BMX: variants seen among roughly 807,000 people sequenced by gnomAD.
BMX encodes cytoplasmic tyrosine-protein kinase BMX.
BMX carries 31 observed loss-of-function variants against 59.2 expected under a neutral mutation model. The observed-to-expected ratio is 0.52, with a 90% CI of 0.39 to 0.71. The LOEUF is 0.71. BMX is among the 30% of genes least tolerant of loss of function. The pLI is 0.00. For missense variants in BMX, 474 were observed against 491.7 expected, an observed-to-expected ratio of 0.96 and a Z score of 0.34; for synonymous variants, 185 against 181.0, an observed-to-expected ratio of 1.02 and a Z score of -0.18.
At chrX:15,525,250 A>G in intron 7 of BMX, 38 bp from the exon 8 acceptor site, 2 of 1,142,548 alleles carry the variant, frequency 1.8e-6, no homozygotes, top group Non-Finnish European at 2.4e-6. Flanking sequence ...ATAAGTAGAC[A>G]TATGTTTATA....
intron 9 of BMX, among the ~76,000 whole-genome samples, chrX:15,529,198 G>A (rs1484849047): frequency 9.0e-6 from 1 of 111,664 alleles, no homozygotes; most frequent in Non-Finnish European, 1.9e-5. Context: ...TTATTGAGCT[G>A]TCCACCAGCT....
intron 1 of BMX, among the ~76,000 whole-genome samples, chrX:15,506,137 C>T (rs1923733411): frequency 9.0e-6 from 1 of 110,730 alleles, no homozygotes; most frequent in South Asian, 3.9e-4. Flanking sequence ...AGCGATTCTC[C>T]CTCCTCAGCC....
At chrX:15,525,010 T>G (rs1390496478) in intron 7 of BMX, among the ~76,000 whole-genome samples, 1 of 112,096 alleles carries the variant, frequency 8.9e-6, no homozygotes, top group African/African-American at 3.2e-5. Context: ...GTCAAGATGA[T>G]TTATTAATCT....
At chrX:15,544,243 GC>G (rs1925840231) in intron 16 of BMX, among the ~76,000 whole-genome samples, 1 of 110,861 alleles carries the variant, frequency 9.0e-6, no homozygotes, top group Non-Finnish European at 1.9e-5. Context: ...GTTAGGGGAT[GC>G]TTTTTGACCC....
At chrX:15,512,242 T>A (rs1363475489) in intron 4 of BMX, among the ~76,000 whole-genome samples, 1 of 112,076 alleles carries the variant, frequency 8.9e-6, no homozygotes, top group Non-Finnish European at 1.9e-5. Flanking sequence ...CACTATAGTA[T>A]TTCCCTCTGT....
chrX:15,518,019 T>C (rs758419171), intron 6 of BMX, 26 bp downstream of exon 6: 1 of 1,157,459 alleles, frequency 8.6e-7, no homozygotes, highest in African/African-American at 1.8e-5. Context: ...AAAAATGTTT[T>C]TCATGGTCAG....
At chrX:15,527,008 A>T (rs1411914130) in intron 9 of BMX, among the ~76,000 whole-genome samples, 1 of 108,688 alleles carries the variant, frequency 9.2e-6, no homozygotes, top group African/African-American at 3.4e-5. Flanking sequence ...AGTATAATTA[A>T]TTGTTTGTAA....
rs1320365634 is a variant in BMX, at chrX:15,546,908, C to T, written c.1782C>T (p.Asp594=). ...FHYFKYSSKS[D]VWAFGILMWE... ...ACTTCAAATACAGCAGCAAGTCAGACGTATGGGCATTTGGTAAGGATGTGG... is the reference window on the plus strand; with the variant it reads ...ACTTCAAATACAGCAGCAAGTCAGATGTATGGGCATTTGGTAAGGATGTGG... Residue 594 remains aspartate, a synonymous_variant, in exon 17 of 19, where the codon GAC becomes GAT. Transcript: ENST00000348343. 3.3e-6 allele frequency: 4 copies of T among 1,205,713 alleles called. No homozygotes were observed. In the Admixed American group the frequency reaches 6.5e-5, roughly 20 times the overall value.
At chrX:15,530,600 T>G (rs984849051) in intron 10 of BMX, among the ~76,000 whole-genome samples, 43 of 112,139 alleles carry the variant, frequency 3.8e-4, no homozygotes, top group African/African-American at 1.4e-3. Flanking sequence ...GGGAGGGGAC[T>G]GCTCACAGCA....
intron 18 of BMX, among the ~76,000 whole-genome samples, chrX:15,554,525 TTTTC>T (rs1926338263): frequency 9.0e-6 from 1 of 111,083 alleles, no homozygotes; most frequent in African/African-American, 3.3e-5. Flanking sequence ...GTGGGTTTTT[TTTTC>T]TTTTTTTGAC....
rs889949576 is a variant in BMX at position 15,549,854 on chromosome X, G to A, written c.1810G>A (p.Glu604Lys). The change falls in exon 18 of 19, where the codon GAG (glutamate) becomes AAG (lysine). Residue 604 changes from glutamate (E) to lysine (K), a missense_variant. Transcript: ENST00000348343. ...GTGTGGTGCAGGGATCCTGATGTGG[G>A]AGGTGTTCAGCCTGGGGAAGCAGCC... ...DVWAFGILMWEVFSLGKQPYD... is the reference protein window; with the variant it reads ...DVWAFGILMWKVFSLGKQPYD... The A allele has an allele frequency of 1.7e-6, 2 of 1,205,721 alleles. No individual in the cohort carries two copies. Among genetic ancestry groups the A allele is most frequent in the Non-Finnish European group, 2.2e-6 (2 of 892,976 alleles).
chrX:15,527,597 C>T (rs1924858195), intron 9 of BMX, among the ~76,000 whole-genome samples: 1 of 111,715 alleles, frequency 9.0e-6, no homozygotes, highest in South Asian at 3.7e-4. Flanking sequence ...TTCACTTGAA[C>T]ACTAGGATTA....
intron 4 of BMX, 129 bp from the exon 5 acceptor site, chrX:15,515,983 C>A: frequency 1.1e-6 from 1 of 895,497 alleles, no homozygotes; most frequent in Non-Finnish European, 1.6e-6. Context: ...CTTCCGGAAC[C>A]ATTTGCTCTT....
intron 9 of BMX, among the ~76,000 whole-genome samples, chrX:15,526,916 A>G (rs184032216): frequency 2.4e-4 from 26 of 110,549 alleles, no homozygotes; most frequent in Non-Finnish European, 3.8e-4. Context: ...AAATTGGGAT[A>G]CTTTAGAAAG....
rs1335673979 is a variant in BMX at position 15,516,125 on chromosome X, C to A, written c.339C>A (p.Asn113Lys). Residue 113 changes from asparagine (N) to lysine (K), a missense_variant, in exon 5 of 19, where the codon AAC (asparagine) becomes AAA (lysine). Physicochemically the swap from Asn to Lys is moderately conservative, Grantham distance 94. Coordinates refer to ENST00000348343, the MANE Select transcript of BMX (RefSeq NM_203281.3). ...LKALQKEIRG[N>K]PHLLVKYHSG... ...TCTGCTCCTCAGAGATAAGGGGTAA[C>A]CCCCACCTGCTGGTCAAGTACCATA... 1.7e-6 allele frequency: 2 copies of A among 1,209,290 alleles called. No individual in the cohort carries two copies. Among genetic ancestry groups the A allele is most frequent in the African/African-American group, 1.7e-5 (1 of 57,362 alleles).
chrX:15,515,715 CTT>C (rs749054786), intron 4 of BMX, among the ~76,000 whole-genome samples: 1 of 110,613 alleles, frequency 9.0e-6, no homozygotes, highest in African/African-American at 3.3e-5. Context: ...TTATTCAGGC[CTT>C]TTTTTTAGAA....
Position 15,522,551 on chromosome X carries a change from A to G in BMX, c.716A>G (p.Asp239Gly), listed in dbSNP as rs1386993533. The G allele has an allele frequency of 1.7e-6, 2 of 1,211,691 alleles. No individual in the cohort carries two copies. The highest frequency in any genetic ancestry group is 2.2e-6 in the Non-Finnish European group (2 of 895,361). The change falls in exon 7 of 19, where the codon GAC becomes GGC. Residue 239 changes from aspartate to glycine, a missense_variant. Coordinates refer to ENST00000348343, the MANE Select transcript of BMX (RefSeq NM_203281.3). ...AACATGCAGTATATTCCAAGGGAAG[A>G]CTTCCCTGACTGGTGGCAAGTAAGA... The part of the protein sequence containing the change: ...NFNMQYIPRE[D>G]FPDWWQVRKL...
At chrX:15,547,517 G>A (rs1396291340) in intron 17 of BMX, among the ~76,000 whole-genome samples, 2 of 111,824 alleles carry the variant, frequency 1.8e-5, no homozygotes, top group Non-Finnish European at 3.8e-5. Context: ...TTTAGATTGG[G>A]ATTGGCAAAC....
In BMX at chrX:15,556,055, CTTG is replaced by C. The variant is rs764309540; in HGVS notation, c.1954-12_1954-10del. On this transcript the variant is annotated splice_polypyrimidine_tract_variant and intron_variant, in intron 18 of 18. Coordinates refer to ENST00000348343, the MANE Select transcript of BMX (RefSeq NM_203281.3). The stretch of plus-strand genomic sequence containing the variant: ...TCTCATCATCTAAAACATTGGGTTT[CTTG>C]TTGTTTTTGTTTAGCTTCCAGAAAA... 5.0e-6 allele frequency: 6 copies of C among 1,190,785 alleles called. No individual in the cohort carries two copies. In the African/African-American group the frequency reaches 5.3e-5, roughly 11 times the overall value.
Sources: allele counts gnomAD v4.1 joint callset (sites outside exome capture counted in the v4.1 genomes callset), GRCh38; gene constraint gnomAD v4.1.1; transcripts MANE v1.5; gene names NCBI Gene and HGNC (gene_info 2026-07-23, HGNC 2026-07-21).